Variants in SSH2 observed in about 807,000 individuals in gnomAD.
The protein encoded by SSH2 is slingshot protein phosphatase 2.
A neutral mutation model predicts 135.2 loss-of-function variants in SSH2; 37 were observed. That is an observed-to-expected ratio of 0.27 (90% CI 0.21 to 0.36). SSH2 has a LOEUF of 0.36. Ranked by LOEUF, SSH2 falls within the 10% of genes least tolerant of loss-of-function variation. The pLI is 1.00. For missense variants in SSH2, 1,408 were observed against 1,765.3 expected (o/e 0.80, Z 3.63); for synonymous variants, 628 against 646.2 (o/e 0.97, Z 0.43).
At chr17:29,711,037 T>A (rs2039414935) in intron 3 of SSH2, among the ~76,000 whole-genome samples, 1 of 152,198 alleles carries the variant, frequency 6.6e-6, no homozygotes, top group Non-Finnish European at 1.5e-5. Context: ...TGCCTCTGAA[T>A]GCAAGAGTCA....
rs535435570 is a variant in SSH2, at chr17:29,894,730, T to G, written c.63+35208A>C. On this transcript the variant is annotated intron_variant, in intron 1 of 15. Coordinates refer to ENST00000540801, the MANE Select transcript of SSH2 (RefSeq NM_001282129.2). ...CTCCCACCACTTAAACTGGCCCCAG[T>G]ATTCTTTACCTCAGGGTATGGAACC... Among the ~76,000 whole-genome samples the G allele has an allele frequency of 2.0e-5, 3 of 152,090 alleles. No homozygotes were observed. In the East Asian group the frequency reaches 5.8e-4, roughly 29 times the overall value.
At chr17:29,637,842 CGTGGCTCATGCCT>C (rs911232226) in intron 14 of SSH2, among the ~76,000 whole-genome samples, 15 of 150,710 alleles carry the variant, frequency 1.0e-4, no homozygotes, top group African/African-American at 3.4e-4. Flanking sequence ...GGCCGGCTGC[CGTGGCTCATGCCT>C]GTAATCCTAG....
chr17:29,907,251 T>G (rs992123674), intron 1 of SSH2, among the ~76,000 whole-genome samples: 1 of 151,410 alleles, frequency 6.6e-6, no homozygotes, highest in Non-Finnish European at 1.5e-5. Flanking sequence ...TTCAGCAAAG[T>G]CACACAGGAA....
At chr17:29,665,682 TC>T (rs1424421744) in intron 11 of SSH2, among the ~76,000 whole-genome samples, 1 of 152,210 alleles carries the variant, frequency 6.6e-6, no homozygotes, top group East Asian at 1.9e-4. Context: ...GTTTTGGCAT[TC>T]TCCATTGATT....
intron 3 of SSH2, among the ~76,000 whole-genome samples, chr17:29,725,076 G>A (rs542708208): frequency 6.6e-5 from 10 of 151,560 alleles, no homozygotes; most frequent in East Asian, 3.9e-4. Context: ...GGCCAGGCAC[G>A]GTGGCTCACG....
rs1039156800 is a variant in SSH2, at chr17:29,707,085, G to T, written c.189-4023C>A. 2.0e-5 allele frequency: 3 copies of T among 151,850 alleles called. No homozygotes were observed. The South Asian group carries it at 6.2e-4, about 31-fold the overall frequency. The allele number at this position is 151,850 out of a possible 1,614,324, so 9.4% of individuals were successfully genotyped here. A position where few individuals can be genotyped will look rare whatever the true frequency, so the allele number is the denominator to read the frequency against. ...GGAGAATGGCGTGAACCCGGGAGGC[G>T]GAGCTTGCAGTGAGCCGAGATTGCG... On this transcript the variant is annotated intron_variant, in intron 3 of 15. Transcript: ENST00000540801.
At chr17:29,650,219 T>C (rs185413648) in intron 13 of SSH2, among the ~76,000 whole-genome samples, 2 of 152,330 alleles carry the variant, frequency 1.3e-5, no homozygotes, top group East Asian at 1.9e-4. Flanking sequence ...TAGAGTATCA[T>C]AAAAATAAAG....
chr17:29,632,251 A>T lies in SSH2; in HGVS notation c.2943T>A (p.Val981=), dbSNP rs1339829913. ...CAAACTCCAGCACCCTGGGAGCTGG[A>T]ACAGTGGCATTCTGCTCAGAATGGG... ...SLSHSEQNAT[V]PAPRVLEFDH... Residue 981 remains valine (V), a synonymous_variant, in exon 16 of 16, where the codon GTT becomes GTA. Coordinates refer to ENST00000540801, the MANE Select transcript of SSH2 (RefSeq NM_001282129.2). 1 of 1,613,930 alleles carries T rather than the reference A, an allele frequency of 6.2e-7. No individual in the cohort carries two copies. The highest frequency in any genetic ancestry group is 1.3e-5 in the African/African-American group (1 of 74,886).
intron 3 of SSH2, among the ~76,000 whole-genome samples, chr17:29,740,126 G>C (rs575696079): frequency 2.6e-5 from 4 of 152,322 alleles, no homozygotes; most frequent in Non-Finnish European, 4.4e-5. Context: ...GTCTCTGACA[G>C]TAGGTGGACA....
intron 1 of SSH2, among the ~76,000 whole-genome samples, chr17:29,922,564 CA>C (rs1376633523): frequency 6.6e-6 from 1 of 152,146 alleles, no homozygotes; most frequent in Admixed American, 6.5e-5. Flanking sequence ...GCCTAATAAG[CA>C]TTTGAAAAAT....
chr17:29,926,386 A>C (rs2067065835), intron 1 of SSH2, among the ~76,000 whole-genome samples: 1 of 151,618 alleles, frequency 6.6e-6, no homozygotes, highest in South Asian at 2.1e-4. Context: ...AAAAAAAAAA[A>C]AAATACAAAA....
intron 3 of SSH2, among the ~76,000 whole-genome samples, chr17:29,714,609 G>A (rs3115101): frequency 0.4 from 60,661 of 151,644 alleles, 14,602 homozygotes; most frequent in East Asian, 0.69. Flanking sequence ...AGACATTTCA[G>A]TGTTCATACA....
chr17:29,645,997 A>G (rs972426647), intron 14 of SSH2: 7 of 152,258 alleles, frequency 4.6e-5, no homozygotes, highest in Non-Finnish European at 7.3e-5. Context: ...AGACCAAATC[A>G]TAAGACTCAC....
intron 1 of SSH2, among the ~76,000 whole-genome samples, chr17:29,893,403 G>GT (rs1219038321): frequency 6.6e-6 from 1 of 152,160 alleles, no homozygotes; most frequent in Non-Finnish European, 1.5e-5. Context: ...CCTTCAGGAA[G>GT]TAAGTCATGA....
intron 14 of SSH2, chr17:29,643,384 C>T (rs949885821): frequency 2.1e-6 from 1 of 485,412 alleles, no homozygotes; most frequent in Non-Finnish European, 2.7e-6. Flanking sequence ...GTGGCACTTC[C>T]CTAGATCCAG....
In SSH2 at chr17:29,809,624, T is replaced by C. The variant is rs1222059335; in HGVS notation, c.145-15687A>G. Among the ~76,000 whole-genome samples the C allele has an allele frequency of 2.6e-4, 39 of 152,218 alleles. 1 individual carries two copies. The highest frequency in any genetic ancestry group is 5.6e-4 in the Non-Finnish European group (38 of 68,022). ...AGACTGCAGGGCAGTGGTGTGATTA[T>C]AGCTCACTGCAGCCTTGAACTCCTA... On this transcript the variant is annotated intron_variant, in intron 2 of 15. Coordinates refer to ENST00000540801, the MANE Select transcript of SSH2 (RefSeq NM_001282129.2).
At chr17:29,779,809 T>TAAAAAAAAAAAAA (rs1567969193) in intron 3 of SSH2, among the ~76,000 whole-genome samples, 1 of 10,764 alleles carries the variant, frequency 9.3e-5, no homozygotes, top group African/African-American at 3.7e-4. Context: ...AGACTCTGTC[T>TAAAAAAAAAAAAA]CAAAAAAAAA....
chr17:29,841,579 C>T (rs558623348), intron 2 of SSH2, among the ~76,000 whole-genome samples: 76 of 152,208 alleles, frequency 5.0e-4, no homozygotes, highest in Non-Finnish European at 7.2e-4. Context: ...CAAATGCATA[C>T]AGCCAACTCT....
At position 29,636,053 on chromosome 17, in the gene SSH2, A is replaced by G; in HGVS notation, c.2177T>C (p.Val726Ala). 6.2e-7 allele frequency: 1 copy of G among 1,614,200 alleles called. No individual in the cohort carries two copies. Among genetic ancestry groups the G allele is most frequent in the East Asian group, 2.2e-5 (1 of 44,882 alleles). ...GCTGCTTCTCTGGTCATCAGCTGTC[A>G]CTTTGGAAGGGGCTACTTCTACCAC... ...LSVVEVAPSK[V>A]TADDQRSSSL... The change falls in exon 15 of 16, where the codon GTG (valine) becomes GCG (alanine). Residue 726 changes from valine to alanine, a missense_variant. Val to Ala is a moderately conservative substitution (Grantham distance 64). Around this residue, in one of 3 missense-constraint regions of SSH2, gnomAD observed 1,080 missense variants for 1,144.5 expected, o/e 0.94. Coordinates refer to ENST00000540801, the MANE Select transcript of SSH2 (RefSeq NM_001282129.2).
Sources: gnomAD v4.1 joint callset for allele counts (sites outside exome capture counted in the v4.1 genomes callset) on GRCh38, gnomAD v4.1.1 for gene constraint, gnomAD v4.1.1 regional missense constraint, MANE v1.5 for transcripts, NCBI Gene and HGNC (gene_info 2026-07-23, HGNC 2026-07-21) for gene names.